Variants in PIK3R6 observed in about 807,000 individuals in gnomAD.
PIK3R6 encodes phosphoinositide-3-kinase regulatory subunit 6, also known as phosphoinositide 3-kinase regulatory subunit 6.
In PIK3R6, 91 loss-of-function variants were observed where a neutral mutation model predicts 84.9. The ratio of observed to expected loss-of-function variants is 1.07; its 90% CI spans 0.90 to 1.28. The LOEUF is 1.28. PIK3R6 is among the 50% of genes most tolerant of loss of function. The pLI is 0.00. For synonymous variants in PIK3R6, 416 were observed against 411.4 expected, an observed-to-expected ratio of 1.01 and a Z score of -0.13; for missense variants, 996 against 985.1, an observed-to-expected ratio of 1.01 and a Z score of -0.15.
chr17:8,806,765 G>T (rs1567561786), intron 18 of PIK3R6, among the ~76,000 whole-genome samples: 1 of 152,010 alleles, frequency 6.6e-6, no homozygotes, highest in Non-Finnish European at 1.5e-5. Context: ...ATCCAGCTAA[G>T]GTCATATCTG....
At chr17:8,866,135 C>T (rs540146495) in intron 1 of PIK3R6, among the ~76,000 whole-genome samples, 12 of 152,256 alleles carry the variant, frequency 7.9e-5, no homozygotes, top group South Asian at 2.1e-4. Flanking sequence ...TTAAAACCTC[C>T]GTGCCTCAGT....
At chr17:8,845,964 C>A (rs1328423725) in intron 2 of PIK3R6, among the ~76,000 whole-genome samples, 1 of 152,044 alleles carries the variant, frequency 6.6e-6, no homozygotes, top group African/African-American at 2.4e-5. Flanking sequence ...CAAAAAGAAG[C>A]TTTTTAGTGT....
chr17:8,804,231 C>G, intron 18 of PIK3R6, 78 bp from the exon 19 acceptor site: 1 of 1,213,652 alleles, frequency 8.2e-7, no homozygotes, highest in Non-Finnish European at 1.2e-6. Context: ...ACCCTGGAAT[C>G]TGGTGTATTT....
At chr17:8,827,411 A>C in intron 12 of PIK3R6, 117 bp from the exon 13 acceptor site, 1 of 1,219,078 alleles carries the variant, frequency 8.2e-7, no homozygotes, top group Non-Finnish European at 1.1e-6. Context: ...TGGGGCATGA[A>C]TTTCTGCATG....
chr17:8,829,668 A>T lies in PIK3R6; in HGVS notation c.889+38T>A, dbSNP rs374488275. Reference sequence around the variant, plus strand: ...CACGCATACACACACAGACACAGACATATACCACTGTTTCCAGACAGCTCC... The same window carrying T: ...CACGCATACACACACAGACACAGACTTATACCACTGTTTCCAGACAGCTCC... On this transcript the variant is annotated intron_variant, in intron 10 of 19. Transcript: ENST00000619866. 828 of 1,529,772 alleles carry T rather than the reference A, an allele frequency of 5.4e-4. 4 individuals carry two copies. In the African/African-American group the frequency reaches 0.01, roughly 19 times the overall value. The allele number at this position is 1,529,772 out of a possible 1,614,324, so 94.8% of individuals were successfully genotyped here. A position where few individuals can be genotyped will look rare whatever the true frequency, so the allele number is the denominator to read the frequency against.
chr17:8,810,057 T>TG (rs200673943), intron 18 of PIK3R6, among the ~76,000 whole-genome samples: 2,297 of 152,094 alleles, frequency 0.015, 68 homozygotes, highest in African/African-American at 0.052. Context: ...TTCACACTGC[T>TG]GATAAAGACA....
intron 7 of PIK3R6, among the ~76,000 whole-genome samples, chr17:8,836,066 C>A (rs1301835106): frequency 1.3e-5 from 2 of 152,190 alleles, no homozygotes; most frequent in African/African-American, 4.8e-5. Flanking sequence ...TCACCCCTCT[C>A]CCCAACACGA....
Position 8,832,871 on chromosome 17 carries a change from C to A in PIK3R6, c.802+18G>T. The A allele has an allele frequency of 6.2e-7, 1 of 1,612,286 alleles. No individual in the cohort carries two copies. Among genetic ancestry groups the A allele is most frequent in the Non-Finnish European group, 8.5e-7 (1 of 1,179,664 alleles). ...CCGCGGGACTCTTGCCAAGGCCCCC[C>A]ATCTGCCAGTCGCTTACCACCGCAG... is the stretch of plus-strand genomic sequence containing the variant. On this transcript the variant is annotated intron_variant, in intron 9 of 19. Transcript: ENST00000619866.
Position 8,803,404 on chromosome 17 carries a change from G to A in PIK3R6, c.2134C>T (p.Pro712Ser), listed in dbSNP as rs369355143. ...TTGGACTTCTGGGCCCCAGAACATG[G>A]TTCTGGGCAGGGAGCAACCTCGAAT... ...VRFEVAPCPEPCSGAQKSKAP... is the reference protein window; with the variant it reads ...VRFEVAPCPESCSGAQKSKAP... Residue 712 changes from proline (P) to serine (S), a missense_variant, in exon 20 of 20, where the codon CCA (proline) becomes TCA (serine). Coordinates refer to ENST00000619866, the MANE Select transcript of PIK3R6 (RefSeq NM_001010855.4). The surrounding 1 kb of genome is among the most constrained non-coding windows in gnomAD (Gnocchi z 5.0). 25 of 1,611,028 alleles carry A rather than the reference G, an allele frequency of 1.6e-5. No individual in the cohort carries two copies. The highest frequency in any genetic ancestry group is 2.1e-5 in the Non-Finnish European group (25 of 1,178,566).
At chr17:8,827,822 C>T in intron 12 of PIK3R6, among the ~76,000 whole-genome samples, 1 of 108,566 alleles carries the variant, frequency 9.2e-6, no homozygotes, top group East Asian at 2.8e-4. Flanking sequence ...GAGAGACCGC[C>T]CTGTGTTTGA....
intron 16 of PIK3R6, 106 bp downstream of exon 16, chr17:8,822,481 G>A (rs904355995): frequency 3.3e-5 from 43 of 1,304,568 alleles, no homozygotes; most frequent in East Asian, 3.1e-4. Context: ...CAAGAAAAGG[G>A]GCAGAAGCTT....
At chr17:8,838,034 G>C (rs2088541794) in intron 4 of PIK3R6, among the ~76,000 whole-genome samples, 163 bp from the exon 5 acceptor site, 3 of 152,144 alleles carry the variant, frequency 2.0e-5, no homozygotes, top group Admixed American at 6.5e-5. Context: ...GGGAGGGGAG[G>C]GCACACAGGT....
intron 17 of PIK3R6, among the ~76,000 whole-genome samples, chr17:8,819,936 TATTTTTATATATATATATA>T (rs1567574120): frequency 2.6e-5 from 3 of 116,056 alleles, no homozygotes; most frequent in African/African-American, 1.3e-4. Context: ...TATATATATA[TATTTTTATATATATATATA>T]TTTTTTTTTT....
chr17:8,863,228 T>G (rs2089322398), intron 1 of PIK3R6, among the ~76,000 whole-genome samples: 1 of 152,156 alleles, frequency 6.6e-6, no homozygotes, highest in African/African-American at 2.4e-5. Context: ...ACTTTTAAAT[T>G]TTATTGTCAA....
chr17:8,833,906 C>A (rs1041629182), intron 8 of PIK3R6, among the ~76,000 whole-genome samples: 1 of 151,674 alleles, frequency 6.6e-6, no homozygotes. Flanking sequence ...CGGTGGCTCA[C>A]GCTTGTAATC....
chr17:8,809,307 A>G (rs765540462), intron 18 of PIK3R6, among the ~76,000 whole-genome samples: 3 of 152,220 alleles, frequency 2.0e-5, no homozygotes, highest in Admixed American at 6.5e-5. Flanking sequence ...AGGATTTCTA[A>G]ACATGGAAAG....
chr17:8,803,937 C>T lies in PIK3R6; in HGVS notation c.2108+104G>A, dbSNP rs1315951913. ...CCTGCCTGGCCACAGGATCTACCTC[C>T]GATGAGGTGCCTTGAGCTAGAGGCA... On this transcript the variant is annotated intron_variant, in intron 19 of 19. Transcript: ENST00000619866. This position sits in a 1 kb window ranked among gnomAD's most constrained non-coding sequence, Gnocchi z 5.0. 3.0e-5 allele frequency: 30 copies of T among 994,402 alleles called. No individual in the cohort carries two copies. The highest frequency in any genetic ancestry group is 6.1e-5 in the Admixed American group (3 of 48,822). The allele number at this position is 994,402 out of a possible 1,614,324, so 61.6% of individuals were successfully genotyped here. A position where few individuals can be genotyped will look rare whatever the true frequency, so the allele number is the denominator to read the frequency against.
Position 8,828,205 on chromosome 17 carries a change from C to T in PIK3R6, c.1314-15G>A. On this transcript the variant is annotated splice_polypyrimidine_tract_variant and intron_variant, in intron 11 of 19. Coordinates refer to ENST00000619866, the MANE Select transcript of PIK3R6 (RefSeq NM_001010855.4). ...TCTCCCGTTTCCTAGCAATGGGCAGCAAAGCAGAGGAGGTTAGGGGCGGGG... is the reference window on the plus strand; with the variant it reads ...TCTCCCGTTTCCTAGCAATGGGCAGTAAAGCAGAGGAGGTTAGGGGCGGGG... The T allele has an allele frequency of 6.2e-7, 1 of 1,613,052 alleles. No individual in the cohort carries two copies. The highest frequency in any genetic ancestry group is 8.5e-7 in the Non-Finnish European group (1 of 1,179,032).
In PIK3R6 at chr17:8,833,034, G is replaced by A. The variant is rs777868047; in HGVS notation, c.657C>T (p.Arg219=). The change falls in exon 9 of 20, where the codon CGC becomes CGT. Residue 219 remains arginine, a synonymous_variant. Coordinates refer to ENST00000619866, the MANE Select transcript of PIK3R6 (RefSeq NM_001010855.4). ...CGTGGAAATAGTGCTCCAGGGTGCGGCGAGGGCTGGCCTGTTGGGGAGGGG... is the reference window on the plus strand; with the variant it reads ...CGTGGAAATAGTGCTCCAGGGTGCGACGAGGGCTGGCCTGTTGGGGAGGGG... ...ALHRKLQASP[R]RTLEHYFHAV... is the part of the protein sequence containing the mutation. 3.1e-6 allele frequency: 5 copies of A among 1,593,628 alleles called. No individual in the cohort carries two copies. The East Asian group carries it at 1.1e-4, about 36-fold the overall frequency.
Sources: allele counts gnomAD v4.1 joint callset (sites outside exome capture counted in the v4.1 genomes callset), GRCh38; gene constraint gnomAD v4.1.1; non-coding constraint Gnocchi (gnomAD v3.1); transcripts MANE v1.5; gene names NCBI Gene and HGNC (gene_info 2026-07-23, HGNC 2026-07-21).